The following RASAL2 variants were observed in gnomAD, a reference collection of about 807,000 sequenced individuals.
RASAL2 encodes the protein RAS protein activator like 2, also known as ras GTPase-activating protein nGAP.
Under a neutral mutation model 128.9 loss-of-function variants are expected in RASAL2, and 58 were observed. The ratio of observed to expected loss-of-function variants is 0.45; its 90% CI spans 0.36 to 0.56. The LOEUF is 0.56. RASAL2 is among the 20% of genes least tolerant of loss of function. The pLI is 0.00. For missense variants in RASAL2, 1,360 were observed against 1,601.6 expected (o/e 0.85, Z 2.57); for synonymous variants, 561 against 580.8 (o/e 0.97, Z 0.49).
intron 6 of RASAL2, among the ~76,000 whole-genome samples, chr1:178,441,301 A>G (rs964870253): frequency 6.6e-6 from 1 of 152,196 alleles, no homozygotes; most frequent in Non-Finnish European, 1.5e-5. Flanking sequence ...GAGACTAACA[A>G]TAACACTAAA....
chr1:178,277,489 A>G (rs1666579584), intron 1 of RASAL2, among the ~76,000 whole-genome samples: 1 of 152,220 alleles, frequency 6.6e-6, no homozygotes, highest in Non-Finnish European at 1.5e-5. Context: ...TAAAGTGATC[A>G]CTTTAATTCT....
chr1:178,391,133 G>C (rs764500709), intron 4 of RASAL2, among the ~76,000 whole-genome samples: 14 of 152,102 alleles, frequency 9.2e-5, no homozygotes, highest in Admixed American at 2.0e-4. Flanking sequence ...AAAGAGGCTG[G>C]GCCTAGTGGT....
intron 1 of RASAL2, among the ~76,000 whole-genome samples, chr1:178,262,561 T>A (rs903435437): frequency 3.9e-5 from 6 of 152,232 alleles, no homozygotes; most frequent in African/African-American, 1.4e-4. Context: ...CCCATCAAAT[T>A]TGTCATTGTT....
At chr1:178,183,437 A>T (rs1417721656) in intron 1 of RASAL2, among the ~76,000 whole-genome samples, 6 of 152,238 alleles carry the variant, frequency 3.9e-5, no homozygotes, top group Non-Finnish European at 4.4e-5. Flanking sequence ...CATAGGGAAT[A>T]GTTCCACTGC....
At chr1:178,444,713 G>A (rs925971131) in intron 8 of RASAL2, among the ~76,000 whole-genome samples, 1 of 152,006 alleles carries the variant, frequency 6.6e-6, no homozygotes, top group Non-Finnish European at 1.5e-5. Flanking sequence ...ATGGGTGGGC[G>A]GGCAGACAGA....
intron 1 of RASAL2, among the ~76,000 whole-genome samples, chr1:178,124,348 G>A (rs1218543120): frequency 6.6e-6 from 1 of 152,126 alleles, no homozygotes; most frequent in Non-Finnish European, 1.5e-5. Flanking sequence ...GGGAGCCACT[G>A]GTATCTTGTG....
At chr1:178,319,394 A>G (rs1668640592) in intron 3 of RASAL2, among the ~76,000 whole-genome samples, 1 of 151,794 alleles carries the variant, frequency 6.6e-6, no homozygotes, top group South Asian at 2.1e-4. Context: ...TGTGTTTTCC[A>G]ACTTGGTTCC....
chr1:178,109,903 A>G (rs954862751), intron 1 of RASAL2, among the ~76,000 whole-genome samples: 22 of 152,062 alleles, frequency 1.4e-4, no homozygotes, highest in African/African-American at 5.3e-4. Flanking sequence ...TTGTAGTCCT[A>G]GCTACTTGGG....
chr1:178,270,886 T>C (rs906817523), intron 1 of RASAL2, among the ~76,000 whole-genome samples: 1 of 152,198 alleles, frequency 6.6e-6, no homozygotes, highest in African/African-American at 2.4e-5. Flanking sequence ...TCTTCTAAAT[T>C]GCCTGTCTGG....
At chr1:178,137,563 T>C (rs1292624362) in intron 1 of RASAL2, among the ~76,000 whole-genome samples, 1 of 152,226 alleles carries the variant, frequency 6.6e-6, no homozygotes, top group African/African-American at 2.4e-5. Flanking sequence ...AAGAGAAGTC[T>C]ATTGCCTATG....
chr1:178,183,177 T>C (rs1215848732), intron 1 of RASAL2, among the ~76,000 whole-genome samples: 2 of 152,334 alleles, frequency 1.3e-5, no homozygotes, highest in African/African-American at 4.8e-5. Flanking sequence ...TGTTTAGTTT[T>C]ACAGACTTCA....
rs1217974475 is a variant in RASAL2 at position 178,168,421 on chromosome 1, A to G, written c.202+73727A>G. 2.6e-5 allele frequency among the ~76,000 whole-genome samples: 4 copies of G among 151,900 alleles called. No homozygotes were observed. In the South Asian group the frequency reaches 8.3e-4, roughly 32 times the overall value. On this transcript the variant is annotated intron_variant, in intron 1 of 17. Transcript: ENST00000367649. The stretch of plus-strand genomic sequence containing the variant: ...CTATAAATCTTTTTTTTTCCGTTTT[A>G]TACCTTTAGCTTAATTTCTAGAGGA...
chr1:178,213,070 C>T (rs1036136882), intron 1 of RASAL2, among the ~76,000 whole-genome samples: 2 of 152,154 alleles, frequency 1.3e-5, no homozygotes, highest in Admixed American at 1.3e-4. Context: ...GGGTCTCACT[C>T]TGTTGCCCAG....
At chr1:178,360,188 G>GTTC (rs1671034383) in intron 3 of RASAL2, among the ~76,000 whole-genome samples, 1 of 152,148 alleles carries the variant, frequency 6.6e-6, no homozygotes, top group African/African-American at 2.4e-5. Flanking sequence ...TGGAGTAGGA[G>GTTC]ATAGCCAGCC....
intron 1 of RASAL2, among the ~76,000 whole-genome samples, chr1:178,138,015 A>C (rs1240468063): frequency 1.3e-5 from 2 of 152,228 alleles, no homozygotes; most frequent in African/African-American, 4.8e-5. Flanking sequence ...AGATGCTCTC[A>C]CTTCTTTCCT....
chr1:178,319,714 T>C (rs956351784), intron 3 of RASAL2, among the ~76,000 whole-genome samples: 12 of 151,744 alleles, frequency 7.9e-5, no homozygotes, highest in African/African-American at 2.9e-4. Context: ...TTTCAAAGTT[T>C]TCAACTTCTT....
intron 4 of RASAL2, among the ~76,000 whole-genome samples, chr1:178,391,618 A>G (rs1185829492): frequency 1.3e-5 from 2 of 152,218 alleles, no homozygotes; most frequent in Non-Finnish European, 2.9e-5. Context: ...TCAACACACA[A>G]TACATTTATA....
chr1:178,351,807 C>T (rs866616278), intron 3 of RASAL2, among the ~76,000 whole-genome samples: 5 of 151,498 alleles, frequency 3.3e-5, no homozygotes, highest in East Asian at 3.9e-4. Flanking sequence ...CAAAAGAAAG[C>T]GGCTACAGGC....
chr1:178,182,954 G>A lies in RASAL2; in HGVS notation c.202+88260G>A, dbSNP rs1165359219. Among the ~76,000 whole-genome samples the A allele has an allele frequency of 3.3e-5, 5 of 152,024 alleles. No individual in the cohort carries two copies. In the East Asian group the frequency reaches 5.8e-4, roughly 18 times the overall value. On this transcript the variant is annotated intron_variant, in intron 1 of 17. Coordinates refer to ENST00000367649, the MANE Select transcript of RASAL2 (RefSeq NM_170692.4). Reference sequence around the variant, plus strand: ...AAGGAGTGTGCAGCCTAGAACCTTCGCATGAGCAGTTCACAGTGGGGTTTG... The same window carrying A: ...AAGGAGTGTGCAGCCTAGAACCTTCACATGAGCAGTTCACAGTGGGGTTTG...
Sources: allele counts gnomAD v4.1 joint callset (sites outside exome capture counted in the v4.1 genomes callset), GRCh38; gene constraint gnomAD v4.1.1; transcripts MANE v1.5; gene names NCBI Gene and HGNC (gene_info 2026-07-23, HGNC 2026-07-21).